SLC25A17: variants seen among roughly 807,000 people sequenced by gnomAD.
The protein encoded by SLC25A17 is solute carrier family 25 member 17.
Under a neutral mutation model 38.5 loss-of-function variants are expected in SLC25A17, and 26 were observed. The ratio of observed to expected loss-of-function variants is 0.68; its 90% CI spans 0.50 to 0.94. The LOEUF (loss-of-function observed/expected upper bound fraction) is 0.94. Among genes scored for constraint, SLC25A17 ranks in the 40% least tolerant of loss-of-function variants. The pLI, the probability that SLC25A17 is intolerant of heterozygous loss-of-function variation, is 0.00. For missense variants in SLC25A17, 333 were observed against 372.7 expected, an observed-to-expected ratio of 0.89 and a Z score of 0.88; for synonymous variants, 139 against 136.2, an observed-to-expected ratio of 1.02 and a Z score of -0.14.
At chr22:40,798,481 A>G (rs1401755261) in intron 2 of SLC25A17, among the ~76,000 whole-genome samples, 1 of 151,996 alleles carries the variant, frequency 6.6e-6, no homozygotes, top group Non-Finnish European at 1.5e-5. Context: ...AGGGGCCTCT[A>G]GAGTGGGAAA....
intron 1 of SLC25A17, among the ~76,000 whole-genome samples, chr22:40,817,826 T>G (rs934587617): frequency 1.3e-5 from 2 of 152,160 alleles, no homozygotes; most frequent in Non-Finnish European, 2.9e-5. Context: ...GAAACCTATT[T>G]GCCTCTTTGT....
At chr22:40,779,932 A>G (rs2057280090) in intron 4 of SLC25A17, 1 of 152,650 alleles carries the variant, frequency 6.6e-6, no homozygotes, top group Admixed American at 6.5e-5. Flanking sequence ...TAGAATTGTA[A>G]CAATGTGCCT....
At chr22:40,786,821 G>A (rs2057342580) in intron 4 of SLC25A17, among the ~76,000 whole-genome samples, 1 of 152,186 alleles carries the variant, frequency 6.6e-6, no homozygotes, top group African/African-American at 2.4e-5. Context: ...AAGATTTTTG[G>A]TGGAGCAACT....
intron 4 of SLC25A17, among the ~76,000 whole-genome samples, chr22:40,782,788 T>C (rs1478904083): frequency 1.3e-5 from 2 of 152,242 alleles, no homozygotes; most frequent in African/African-American, 4.8e-5. Flanking sequence ...TGATAATACC[T>C]TTGGCATTCA....
chr22:40,783,848 G>A (rs1192654011), intron 4 of SLC25A17, among the ~76,000 whole-genome samples: 3 of 152,154 alleles, frequency 2.0e-5, no homozygotes, highest in African/African-American at 7.2e-5. Flanking sequence ...TGGGATGATA[G>A]GTGCCCGCTA....
intron 7 of SLC25A17, among the ~76,000 whole-genome samples, chr22:40,775,436 GT>G (rs71200615): frequency 8.2e-4 from 71 of 86,820 alleles, no homozygotes; most frequent in Admixed American, 1.0e-3. Flanking sequence ...AGATCTGATG[GT>G]TTTTTTTTTT....
rs1602591565 is a variant in SLC25A17, at chr22:40,779,301, C to A, written c.335-176G>T. ...CAACACAAGCCACTACTGTTAGAAG[C>A]GATTTGGAAGCTTTGCTGATAGCAA... On this transcript the variant is annotated intron_variant, in intron 4 of 8. Transcript: ENST00000435456. 3.4e-6 allele frequency: 5 copies of A among 1,450,552 alleles called. No homozygotes were observed. The East Asian group carries it at 1.0e-4, about 29-fold the overall frequency. The allele number at this position is 1,450,552 out of a possible 1,614,324, so 89.9% of individuals were successfully genotyped here.
At chr22:40,776,025 A>AG (rs2057240363) in intron 7 of SLC25A17, among the ~76,000 whole-genome samples, 1 of 152,146 alleles carries the variant, frequency 6.6e-6, no homozygotes, top group South Asian at 2.1e-4. Context: ...CTGCCCCACT[A>AG]GGGCCTTACC....
chr22:40,795,329 G>C (rs569907830), intron 2 of SLC25A17, among the ~76,000 whole-genome samples: 15 of 150,650 alleles, frequency 1.0e-4, no homozygotes, highest in Non-Finnish European at 1.8e-4. Flanking sequence ...GTCTCGCTCT[G>C]TCACCCAGGC....
chr22:40,812,545 A>G (rs746422358), intron 1 of SLC25A17, among the ~76,000 whole-genome samples: 4 of 152,170 alleles, frequency 2.6e-5, no homozygotes, highest in Non-Finnish European at 5.9e-5. Context: ...GACTGTTTCT[A>G]AAATGTTGAT....
At chr22:40,779,380 T>C in intron 4 of SLC25A17, 1 of 864,734 alleles carries the variant, frequency 1.2e-6, no homozygotes, top group Non-Finnish European at 1.7e-6. Context: ...CCCTCATTTG[T>C]ACAACAGGCA....
chr22:40,803,597 C>G (rs1405109804), intron 1 of SLC25A17, among the ~76,000 whole-genome samples: 1 of 151,982 alleles, frequency 6.6e-6, no homozygotes, highest in Non-Finnish European at 1.5e-5. Flanking sequence ...GTGAATAGCA[C>G]TGCAATTAAC....
chr22:40,811,781 C>T (rs1302945205), intron 1 of SLC25A17, among the ~76,000 whole-genome samples: 1 of 152,140 alleles, frequency 6.6e-6, no homozygotes, highest in African/African-American at 2.4e-5. Flanking sequence ...TGGCACCAAG[C>T]CATTTATGAG....
intron 2 of SLC25A17, among the ~76,000 whole-genome samples, chr22:40,795,795 CT>C (rs1221453234): frequency 5.5e-5 from 8 of 146,524 alleles, no homozygotes; most frequent in South Asian, 2.2e-4. Context: ...TTTCTTTTTT[CT>C]TTTTTTTTTG....
intron 2 of SLC25A17, among the ~76,000 whole-genome samples, chr22:40,798,678 A>T (rs965993102): frequency 6.7e-6 from 1 of 150,336 alleles, no homozygotes; most frequent in African/African-American, 2.4e-5. Flanking sequence ...AAAAAAAAAA[A>T]AAAAAGAGGC....
intron 4 of SLC25A17, among the ~76,000 whole-genome samples, chr22:40,782,340 GT>G (rs955840717): frequency 2.0e-5 from 3 of 151,828 alleles, no homozygotes; most frequent in Non-Finnish European, 2.9e-5. Flanking sequence ...GCAGAAGACT[GT>G]TTTTTTTCTA....
chr22:40,770,095 C>T lies in SLC25A17; in HGVS notation c.*739G>A, dbSNP rs2057166872. ...TTCAAGAATATCTTTTTTGTGCTGACCATTTATTGGGACTTGACTGACCAG... is the reference window on the plus strand; with the variant it reads ...TTCAAGAATATCTTTTTTGTGCTGATCATTTATTGGGACTTGACTGACCAG... On this transcript the variant is annotated 3_prime_UTR_variant, in exon 9 of 9. Coordinates refer to ENST00000435456, the MANE Select transcript of SLC25A17 (RefSeq NM_006358.4). The T allele has an allele frequency of 6.6e-6, 1 of 152,102 alleles. No individual in the cohort carries two copies. The highest frequency in any genetic ancestry group is 1.5e-5 in the Non-Finnish European group (1 of 68,006). The allele number at this position is 152,102 out of a possible 1,614,324, so 9.4% of individuals were successfully genotyped here.
chr22:40,787,259 G>A (rs1225106914), intron 4 of SLC25A17, among the ~76,000 whole-genome samples: 2 of 152,164 alleles, frequency 1.3e-5, no homozygotes, highest in Non-Finnish European at 2.9e-5. Flanking sequence ...GTAGAGGAAT[G>A]GGGTTACTAC....
At chr22:40,805,364 GAT>G (rs1039262626) in intron 1 of SLC25A17, among the ~76,000 whole-genome samples, 1 of 152,204 alleles carries the variant, frequency 6.6e-6, no homozygotes, top group African/African-American at 2.4e-5. Context: ...CTCAAAAAAA[GAT>G]AGCAGAGGAA....
Sources: gnomAD v4.1 joint callset for allele counts (sites outside exome capture counted in the v4.1 genomes callset) on GRCh38, gnomAD v4.1.1 for gene constraint, MANE v1.5 for transcripts, NCBI Gene and HGNC (gene_info 2026-07-23, HGNC 2026-07-21) for gene names.